PKIB: variants seen among roughly 807,000 people sequenced by gnomAD.
PKIB encodes cAMP-dependent protein kinase inhibitor beta.
A neutral mutation model predicts 4.5 loss-of-function variants in PKIB; 2 were observed. The observed-to-expected ratio is 0.44, with a 90% CI of 0.18 to 1.39. The LOEUF is 1.39. Ranked by LOEUF, PKIB falls within the 40% of genes most tolerant of loss-of-function variation. PKIB has a pLI of 0.27. For missense variants in PKIB, 94 were observed against 92.6 expected (o/e 1.02, Z -0.06); for synonymous variants, 38 against 36.0 (o/e 1.06, Z -0.20).
At chr6:122,579,769 C>G (rs1336237913) in intron 2 of PKIB, among the ~76,000 whole-genome samples, 1 of 152,134 alleles carries the variant, frequency 6.6e-6, no homozygotes, top group Non-Finnish European at 1.5e-5. Context: ...AAGCAGCAAC[C>G]TCTTCAGGTT....
chr6:122,715,856 T>C (rs1286920692), intron 3 of PKIB, among the ~76,000 whole-genome samples: 1 of 151,972 alleles, frequency 6.6e-6, no homozygotes, highest in African/African-American at 2.4e-5. Context: ...GCTTTCAGAG[T>C]GAACTGAAAT....
chr6:122,475,927 A>G (rs1007512869), intron 1 of PKIB, among the ~76,000 whole-genome samples: 1 of 152,240 alleles, frequency 6.6e-6, no homozygotes, highest in Middle Eastern at 3.2e-3. Context: ...CTTTGGTCCC[A>G]TAATCCTTCC....
At chr6:122,497,242 C>T (rs1776098322) in intron 2 of PKIB, among the ~76,000 whole-genome samples, 1 of 152,048 alleles carries the variant, frequency 6.6e-6, no homozygotes, top group Admixed American at 6.6e-5. Context: ...AACATGGAAA[C>T]AAAAAACAAT....
intron 3 of PKIB, among the ~76,000 whole-genome samples, chr6:122,693,129 A>G (rs1778421465): frequency 6.6e-6 from 1 of 152,212 alleles, no homozygotes; most frequent in Non-Finnish European, 1.5e-5. Flanking sequence ...CTGAAAATGT[A>G]GAACATTCTA....
At chr6:122,499,222 G>A (rs1316765219) in intron 2 of PKIB, among the ~76,000 whole-genome samples, 1 of 152,086 alleles carries the variant, frequency 6.6e-6, no homozygotes, top group Non-Finnish European at 1.5e-5. Flanking sequence ...TACAAAGCGA[G>A]CATCACTCTG....
intron 2 of PKIB, among the ~76,000 whole-genome samples, chr6:122,489,590 TTGAA>T (rs1177342196): frequency 6.6e-6 from 1 of 152,264 alleles, no homozygotes. Context: ...CTACTTATCA[TTGAA>T]TGAGTTAGGC....
intron 2 of PKIB, among the ~76,000 whole-genome samples, chr6:122,525,392 A>G (rs1777067023): frequency 1.3e-5 from 2 of 152,256 alleles, no homozygotes; most frequent in East Asian, 1.9e-4. Context: ...CTGCCTTAAT[A>G]TGTAGTCTAT....
intron 3 of PKIB, among the ~76,000 whole-genome samples, chr6:122,591,021 TA>T (rs531453981): frequency 2.0e-4 from 29 of 146,040 alleles, no homozygotes; most frequent in Admixed American, 2.1e-4. Flanking sequence ...TGCCTTTTTT[TA>T]AAAAAAAAAA....
intron 2 of PKIB, among the ~76,000 whole-genome samples, chr6:122,585,071 T>C (rs1562260511): frequency 1.3e-5 from 2 of 152,174 alleles, no homozygotes; most frequent in African/African-American, 4.8e-5. Flanking sequence ...GGTATACATA[T>C]GACTGCAGGA....
chr6:122,685,176 G>A (rs1025415131), intron 3 of PKIB, among the ~76,000 whole-genome samples: 1 of 152,030 alleles, frequency 6.6e-6, no homozygotes, highest in Non-Finnish European at 1.5e-5. Context: ...AATTAAAGGG[G>A]GAGATTGTGC....
intron 3 of PKIB, among the ~76,000 whole-genome samples, chr6:122,675,808 G>GT (rs929010944): frequency 1.3e-5 from 2 of 151,854 alleles, no homozygotes; most frequent in African/African-American, 4.8e-5. Flanking sequence ...AAAAAATTAT[G>GT]TTTTTTTCCC....
At chr6:122,706,751 G>A (rs140948615) in intron 3 of PKIB, among the ~76,000 whole-genome samples, 247 of 152,166 alleles carry the variant, frequency 1.6e-3, no homozygotes, top group African/African-American at 5.8e-3. Context: ...CTTAACACAT[G>A]CATATGCCAT....
intron 2 of PKIB, among the ~76,000 whole-genome samples, chr6:122,502,194 A>G (rs1776260708): frequency 2.0e-5 from 3 of 151,988 alleles, no homozygotes; most frequent in African/African-American, 7.3e-5. Flanking sequence ...GGAAGTTCCA[A>G]ACTTTCCCTC....
chr6:122,506,694 A>ATTTT (rs35341464), intron 2 of PKIB, among the ~76,000 whole-genome samples: 8 of 116,568 alleles, frequency 6.9e-5, no homozygotes, highest in Admixed American at 4.1e-4. Flanking sequence ...TGGAGATGTA[A>ATTTT]TTTTTTTTTT....
intron 1 of PKIB, among the ~76,000 whole-genome samples, chr6:122,623,349 GTTC>G (rs756258470): frequency 3.9e-5 from 6 of 152,128 alleles, no homozygotes; most frequent in Non-Finnish European, 5.9e-5. Context: ...TGAGCAATGG[GTTC>G]TTCTTAAGAT....
At chr6:122,696,239 A>G (rs1778563902) in intron 3 of PKIB, among the ~76,000 whole-genome samples, 1 of 152,224 alleles carries the variant, frequency 6.6e-6, no homozygotes, top group Non-Finnish European at 1.5e-5. Context: ...AGAACTGAGA[A>G]CAAACCGTAG....
intron 2 of PKIB, among the ~76,000 whole-genome samples, chr6:122,582,099 A>G (rs1773720572): frequency 6.6e-6 from 1 of 152,102 alleles, no homozygotes; most frequent in South Asian, 2.1e-4. Context: ...TCTTGATGAT[A>G]GATGAGGACT....
At chr6:122,626,422 T>C (rs1280941083) in intron 1 of PKIB, among the ~76,000 whole-genome samples, 4 of 152,224 alleles carry the variant, frequency 2.6e-5, no homozygotes, top group Non-Finnish European at 5.9e-5. Flanking sequence ...CCATTCAAGA[T>C]GTTCACACGC....
At chr6:122,612,917 A>T (rs1269620756) in intron 1 of PKIB, among the ~76,000 whole-genome samples, 1 of 152,162 alleles carries the variant, frequency 6.6e-6, no homozygotes, top group African/African-American at 2.4e-5. Context: ...AATTCTGGAA[A>T]AATAAATGTT....
Sources: gnomAD v4.1 joint callset for allele counts (sites outside exome capture counted in the v4.1 genomes callset) on GRCh38, gnomAD v4.1.1 for gene constraint, MANE v1.5 for transcripts, NCBI Gene and HGNC (gene_info 2026-07-23, HGNC 2026-07-21) for gene names.